Variants in LSP1 observed in about 807,000 individuals in gnomAD.
The protein encoded by LSP1 is lymphocyte-specific protein 1.
Under a neutral mutation model 49.3 loss-of-function variants are expected in LSP1, and 32 were observed. That is an observed-to-expected ratio of 0.65 (90% confidence interval 0.49 to 0.87). The LOEUF (loss-of-function observed/expected upper bound fraction) is 0.87, where lower values mean the gene tolerates loss of function less well. Ranked by LOEUF, LSP1 falls within the 40% of genes least tolerant of loss-of-function variation. The probability of loss-of-function intolerance (pLI) is 0.00; values close to 1 mark genes in which losing one functional copy is unlikely to be tolerated. For missense variants in LSP1, 428 were observed against 442.6 expected, an observed-to-expected ratio of 0.97 and a Z score of 0.30; for synonymous variants, 179 against 178.8, an observed-to-expected ratio of 1.00 and a Z score of -0.01.
chr11:1,879,510 T>C (rs1235362786), intron 1 of LSP1, among the ~76,000 whole-genome samples: 1 of 152,226 alleles, frequency 6.6e-6, no homozygotes, highest in East Asian at 1.9e-4. Context: ...GGGCTGGTGG[T>C]GGGACAGGAG....
intron 1 of LSP1, among the ~76,000 whole-genome samples, chr11:1,856,115 G>A (rs1012724874): frequency 2.6e-5 from 4 of 152,152 alleles, no homozygotes; most frequent in African/African-American, 9.7e-5. Context: ...CACCTAGAAG[G>A]CAAGTCTGCC....
intron 1 of LSP1, among the ~76,000 whole-genome samples, chr11:1,859,744 C>A (rs1162721667): frequency 6.6e-6 from 1 of 150,808 alleles, no homozygotes; most frequent in Non-Finnish European, 1.5e-5. Context: ...CACCACCCTG[C>A]CCCCTACCCG....
At chr11:1,887,800 G>A (rs907743273) in intron 10 of LSP1, among the ~76,000 whole-genome samples, 2 of 152,088 alleles carry the variant, frequency 1.3e-5, no homozygotes, top group African/African-American at 4.8e-5. Flanking sequence ...GAGTCAGCCC[G>A]GCTCAGCCAC....
At chr11:1,887,659 G>A in intron 10 of LSP1, 83 bp downstream of exon 10, 1 of 1,102,294 alleles carries the variant, frequency 9.1e-7, no homozygotes, top group Non-Finnish European at 1.3e-6. Context: ...GAGGCTGCCT[G>A]GAGCCCTGTT....
chr11:1,870,757 G>T, intron 1 of LSP1: 32 of 994,634 alleles, frequency 3.2e-5, no homozygotes, highest in Non-Finnish European at 3.7e-5. Flanking sequence ...TCAGGGATGT[G>T]AGGTACATCT....
intron 1 of LSP1, 55 bp from the exon 2 acceptor site, chr11:1,880,032 C>CCGTATCATT: frequency 1.9e-6 from 3 of 1,595,930 alleles, no homozygotes; most frequent in South Asian, 1.1e-5. Context: ...GGAATGGGTG[C>CCGTATCATT]AAAACAGCAC....
At chr11:1,883,651 G>C in intron 4 of LSP1, 91 bp downstream of exon 4, 1 of 1,481,598 alleles carries the variant, frequency 6.7e-7, no homozygotes, top group Non-Finnish European at 9.1e-7. Context: ...GGCCCTGTGG[G>C]TCTAGCCCAG....
chr11:1,874,119 G>GC (rs1848196882), intron 1 of LSP1, among the ~76,000 whole-genome samples: 2 of 145,042 alleles, frequency 1.4e-5, no homozygotes, highest in African/African-American at 2.6e-5. Context: ...GAGGGAGGCT[G>GC]GGGACAGTGG....
chr11:1,854,008 C>T (rs1847425621), intron 1 of LSP1, among the ~76,000 whole-genome samples: 1 of 152,188 alleles, frequency 6.6e-6, no homozygotes, highest in Non-Finnish European at 1.5e-5. Context: ...AGCAGGCATC[C>T]AGGCATCACA....
At chr11:1,886,511 G>A (rs746101711) in intron 7 of LSP1, among the ~76,000 whole-genome samples, 4 of 152,200 alleles carry the variant, frequency 2.6e-5, no homozygotes, top group South Asian at 2.1e-4. Context: ...TGTCCTGTGC[G>A]CCATCATCTC....
chr11:1,853,121 C>A lies in LSP1; in HGVS notation c.-24C>A. ...CCCACTCCAGGGATCTGCCAGCACC[C>A]TGTGGGGCCCAGACTACAGGCTGAT... On this transcript the variant is annotated 5_prime_UTR_variant, in exon 1 of 11. In the 5' UTR this introduces an upstream ATG that the reference lacks. Transcript: ENST00000311604. 6.2e-7 allele frequency: 1 copy of A among 1,605,244 alleles called. No individual in the cohort carries two copies.
At chr11:1,856,078 C>T (rs372142769) in intron 1 of LSP1, among the ~76,000 whole-genome samples, 46 of 152,276 alleles carry the variant, frequency 3.0e-4, no homozygotes, top group Admixed American at 7.8e-4. Context: ...GGTGCCCACC[C>T]GCCCAGGCGT....
intron 1 of LSP1, 151 bp downstream of exon 1, chr11:1,853,348 C>A: frequency 1.3e-6 from 1 of 786,378 alleles, no homozygotes; most frequent in South Asian, 1.8e-5. Context: ...AAACTGGGGA[C>A]CCACAGACAG....
intron 7 of LSP1, among the ~76,000 whole-genome samples, chr11:1,885,152 T>C (rs142393909): frequency 4.1e-4 from 62 of 150,458 alleles, no homozygotes; most frequent in African/African-American, 1.5e-3. Flanking sequence ...CCAATCAATG[T>C]CCCTCCCATC....
chr11:1,890,095 G>C, intron 10 of LSP1: 1 of 716,524 alleles, frequency 1.4e-6, no homozygotes, highest in Non-Finnish European at 2.6e-6. Context: ...AAGCCACTGG[G>C]GGGCCGGGTA....
At chr11:1,868,189 C>T (rs1847857067) in intron 1 of LSP1, among the ~76,000 whole-genome samples, 1 of 152,244 alleles carries the variant, frequency 6.6e-6, no homozygotes, top group Non-Finnish European at 1.5e-5. Context: ...CCTGGCCCTG[C>T]TACCTGTGGG....
At position 1,884,403 on chromosome 11, in the gene LSP1, G is replaced by A. The variant is rs1397285875; in HGVS notation, c.635+80G>A. The stretch of plus-strand genomic sequence containing the variant: ...GGGGGTTGAAGGGAGTCACAAGGTA[G>A]AGATCTGGAGACCGAGGGGGGCTCT... On this transcript the variant is annotated intron_variant, in intron 6 of 10. Transcript: ENST00000311604. This position sits in a 1 kb window ranked among gnomAD's most constrained non-coding sequence, Gnocchi z 4.1. 1 of 1,609,000 alleles carries A rather than the reference G, an allele frequency of 6.2e-7. No homozygotes were observed. The highest frequency in any genetic ancestry group is 8.5e-7 in the Non-Finnish European group (1 of 1,175,610).
intron 1 of LSP1, among the ~76,000 whole-genome samples, chr11:1,858,221 G>T (rs1395589267): frequency 6.6e-6 from 1 of 152,174 alleles, no homozygotes; most frequent in East Asian, 1.9e-4. Flanking sequence ...TTGCCCCTGT[G>T]GGGTTCGGGT....
At chr11:1,875,278 C>T (rs952437417) in intron 1 of LSP1, among the ~76,000 whole-genome samples, 13 of 152,176 alleles carry the variant, frequency 8.5e-5, no homozygotes, top group African/African-American at 2.4e-4. Flanking sequence ...CAAGTCCAGG[C>T]GCTGCCTCCT....
Sources: allele counts gnomAD v4.1 joint callset (sites outside exome capture counted in the v4.1 genomes callset), GRCh38; gene constraint gnomAD v4.1.1; non-coding constraint Gnocchi (gnomAD v3.1); transcripts MANE v1.5; gene names NCBI Gene and HGNC (gene_info 2026-07-23, HGNC 2026-07-21).